The following XKR6 variants were observed in gnomAD, a reference collection of about 807,000 sequenced individuals.
The protein encoded by XKR6 is XK-related protein 6.
A neutral mutation model predicts 56.7 loss-of-function variants in XKR6; 22 were observed. That is an observed-to-expected ratio of 0.39 (90% CI 0.28 to 0.55). The LOEUF is 0.55. XKR6 is among the 20% of genes least tolerant of loss of function. The pLI, the probability that XKR6 is intolerant of heterozygous loss-of-function variation, is 0.66. For missense variants in XKR6, 852 were observed against 889.0 expected, an observed-to-expected ratio of 0.96 and a Z score of 0.53; for synonymous variants, 524 against 387.8, an observed-to-expected ratio of 1.35 and a Z score of -4.13.
chr8:11,089,812 T>A (rs1459603895), intron 1 of XKR6, among the ~76,000 whole-genome samples: 1 of 152,204 alleles, frequency 6.6e-6, no homozygotes, highest in Non-Finnish European at 1.5e-5. Flanking sequence ...ATCTTCCCCT[T>A]CCTGGAGGAG....
chr8:11,131,560 C>T (rs935327718), intron 1 of XKR6, among the ~76,000 whole-genome samples: 2 of 152,090 alleles, frequency 1.3e-5, no homozygotes, highest in African/African-American at 4.8e-5. Flanking sequence ...CAAAGGTACA[C>T]AATAAAAAGT....
intron 1 of XKR6, among the ~76,000 whole-genome samples, chr8:11,145,720 G>C (rs1050571748): frequency 1.3e-5 from 2 of 152,128 alleles, no homozygotes; most frequent in African/African-American, 4.8e-5. Context: ...AATAAATGGA[G>C]AGATACGCCA....
At chr8:10,912,240 G>A (rs1800404024) in intron 2 of XKR6, among the ~76,000 whole-genome samples, 1 of 145,006 alleles carries the variant, frequency 6.9e-6, no homozygotes, top group African/African-American at 2.5e-5. Flanking sequence ...GAGGGAGAGA[G>A]AGAGGGTGTG....
chr8:10,909,444 A>G (rs1470460169), intron 2 of XKR6, among the ~76,000 whole-genome samples: 1 of 152,116 alleles, frequency 6.6e-6, no homozygotes, highest in African/African-American at 2.4e-5. Context: ...ATCTTGATCA[A>G]CTTTTCTCCT....
intron 1 of XKR6, among the ~76,000 whole-genome samples, chr8:10,951,499 A>C (rs1477355564): frequency 6.6e-6 from 1 of 152,338 alleles, no homozygotes; most frequent in Admixed American, 6.5e-5. Context: ...TTTAGTCCCA[A>C]ACAGCAGCAG....
chr8:11,012,263 G>C (rs1425852058), intron 1 of XKR6, among the ~76,000 whole-genome samples: 1 of 152,170 alleles, frequency 6.6e-6, no homozygotes. Flanking sequence ...AAGCCCCTTT[G>C]GGACCTCAGC....
chr8:11,080,466 CTATT>C (rs1797678119), intron 1 of XKR6, among the ~76,000 whole-genome samples: 1 of 152,168 alleles, frequency 6.6e-6, no homozygotes, highest in Non-Finnish European at 1.5e-5. Context: ...AGAAATTTAA[CTATT>C]TATCTATTTC....
intron 1 of XKR6, among the ~76,000 whole-genome samples, chr8:10,990,235 G>A (rs553743363): frequency 6.6e-6 from 1 of 152,322 alleles, no homozygotes; most frequent in South Asian, 2.1e-4. Flanking sequence ...GTACAAACGC[G>A]TCTCTATCCA....
At chr8:11,043,818 T>C (rs1352359382) in intron 1 of XKR6, among the ~76,000 whole-genome samples, 1 of 152,164 alleles carries the variant, frequency 6.6e-6, no homozygotes, top group Non-Finnish European at 1.5e-5. Flanking sequence ...TGACCAGCAT[T>C]AATGCCAAAG....
At chr8:11,118,601 T>C (rs1018846119) in intron 1 of XKR6, among the ~76,000 whole-genome samples, 1 of 152,172 alleles carries the variant, frequency 6.6e-6, no homozygotes, top group South Asian at 2.1e-4. Flanking sequence ...TGTGTAGAGG[T>C]GTTTATAGTA....
intron 1 of XKR6, among the ~76,000 whole-genome samples, chr8:11,073,001 G>T (rs1800173445): frequency 6.6e-6 from 1 of 151,504 alleles, no homozygotes; most frequent in Non-Finnish European, 1.5e-5. Flanking sequence ...AGTGAGCCAA[G>T]ATCGCGCCTC....
intron 1 of XKR6, among the ~76,000 whole-genome samples, chr8:10,974,049 A>G (rs926845409): frequency 6.6e-6 from 1 of 152,242 alleles, no homozygotes; most frequent in Admixed American, 6.5e-5. Flanking sequence ...CAGGAAATGA[A>G]TGATAAAGCT....
intron 1 of XKR6, among the ~76,000 whole-genome samples, chr8:10,985,657 C>CA (rs903700828): frequency 1.4e-5 from 2 of 147,828 alleles, no homozygotes; most frequent in Non-Finnish European, 3.0e-5. Context: ...AACAAACAAA[C>CA]AAAAAAACCT....
intron 1 of XKR6, among the ~76,000 whole-genome samples, chr8:11,147,979 G>A (rs1801074959): frequency 6.6e-6 from 1 of 152,082 alleles, no homozygotes; most frequent in African/African-American, 2.4e-5. Flanking sequence ...GGAGGCCAAG[G>A]CAGGAGGATC....
At chr8:10,956,391 T>C (rs1392728682) in intron 1 of XKR6, among the ~76,000 whole-genome samples, 1 of 152,008 alleles carries the variant, frequency 6.6e-6, no homozygotes, top group African/African-American at 2.4e-5. Context: ...TGGAGACCCA[T>C]CTGCAGGATC....
intron 2 of XKR6, among the ~76,000 whole-genome samples, chr8:10,913,514 C>T (rs1020756347): frequency 5.3e-5 from 8 of 152,172 alleles, no homozygotes; most frequent in African/African-American, 1.9e-4. Flanking sequence ...TATGCACCCC[C>T]CAGCCATCGC....
intron 1 of XKR6, among the ~76,000 whole-genome samples, chr8:11,197,766 T>G (rs1563213880): frequency 6.6e-6 from 1 of 151,278 alleles, no homozygotes; most frequent in South Asian, 2.1e-4. Flanking sequence ...GTAAAGTTAT[T>G]TGATAAAAGA....
intron 1 of XKR6, among the ~76,000 whole-genome samples, chr8:10,975,355 A>G (rs6601542): frequency 0.45 from 69,104 of 152,164 alleles, 18,157 homozygotes; most frequent in African/African-American, 0.73. Flanking sequence ...CTGCCCACCA[A>G]TCAAAACAAG....
chr8:11,021,172 A>T (rs1471313999), intron 1 of XKR6, among the ~76,000 whole-genome samples: 1 of 152,196 alleles, frequency 6.6e-6, no homozygotes, highest in African/African-American at 2.4e-5. Context: ...CTCAGACCAG[A>T]AACTCTGTGT....
Sources: gnomAD v4.1 joint callset for allele counts (sites outside exome capture counted in the v4.1 genomes callset) on GRCh38, gnomAD v4.1.1 for gene constraint, MANE v1.5 for transcripts, NCBI Gene and HGNC (gene_info 2026-07-23, HGNC 2026-07-21) for gene names.